Variants in SERPINB12 observed in about 807,000 individuals in gnomAD.
The protein encoded by SERPINB12 is serpin family B member 12.
Under a neutral mutation model 41.1 loss-of-function variants are expected in SERPINB12, and 57 were observed. The ratio of observed to expected loss-of-function variants is 1.39; its 90% CI spans 1.12 to 1.73. The LOEUF (loss-of-function observed/expected upper bound fraction) is 1.73, where lower values mean the gene tolerates loss of function less well. SERPINB12 is among the 40% of genes most tolerant of loss of function. The pLI is 0.00. For missense variants in SERPINB12, 536 were observed against 501.9 expected (o/e 1.07, Z -0.65); for synonymous variants, 180 against 181.3 (o/e 0.99, Z 0.06).
chr18:63,522,024 A>G, the SERPINB12 span, among the ~76,000 whole-genome samples: 4 of 151,382 alleles, frequency 2.6e-5, no homozygotes, highest in South Asian at 6.2e-4. Context: ...ATAGAGAAAC[A>G]TAGTTTTTCT....
In SERPINB12 at chr18:63,565,541, AC is replaced by A; in HGVS notation, c.804del (p.Lys269ArgfsTer18). ...VKAQILEMRY[T>X]KGKLSMFVLL... ...GGCACAGATCCTGGAAATGAGGTACACCAAGGGGAAGCTCAGCATGTTCGTG... is the reference window on the plus strand; with the variant it reads ...GGCACAGATCCTGGAAATGAGGTACACAAGGGGAAGCTCAGCATGTTCGTG... On this transcript the variant is annotated frameshift_variant, in exon 7 of 8. Transcript: ENST00000382768. LOFTEE classifies it high-confidence loss of function. 6.2e-7 allele frequency: 1 copy of A among 1,614,114 alleles called. No homozygotes were observed. Among genetic ancestry groups the A allele is most frequent in the Non-Finnish European group, 8.5e-7 (1 of 1,179,968 alleles).
At chr18:63,549,400 T>C (rs1002787497) in intron 1 of SERPINB12, among the ~76,000 whole-genome samples, 2 of 152,212 alleles carry the variant, frequency 1.3e-5, no homozygotes, top group Admixed American at 6.5e-5. Flanking sequence ...AATATGATAG[T>C]ATTTGTATTG....
the SERPINB12 span, among the ~76,000 whole-genome samples, chr18:63,537,082 T>C: frequency 6.6e-6 from 1 of 152,150 alleles, no homozygotes; most frequent in Non-Finnish European, 1.5e-5. Context: ...TATGTAAATA[T>C]AAAATAATTA....
intron 7 of SERPINB12, 33 bp from the exon 8 acceptor site, chr18:63,566,574 C>G: frequency 6.4e-7 from 1 of 1,558,030 alleles, no homozygotes; most frequent in South Asian, 1.2e-5. Flanking sequence ...GTCCCATAAT[C>G]TGATGCTAAA....
At chr18:63,537,675 C>T (rs1021400434), upstream of SERPINB12, among the ~76,000 whole-genome samples, 2 of 152,166 alleles carry the variant, frequency 1.3e-5, no homozygotes, top group Admixed American at 6.6e-5. Context: ...CTACAACAAT[C>T]AAGCCCGAGT....
At chr18:63,532,953 G>A in the SERPINB12 span, among the ~76,000 whole-genome samples, 3 of 151,988 alleles carry the variant, frequency 2.0e-5, no homozygotes, top group Non-Finnish European at 2.9e-5. Context: ...TAAATCTTTG[G>A]TACCTAGTAA....
At chr18:63,531,680 G>T in the SERPINB12 span, among the ~76,000 whole-genome samples, 690 of 152,230 alleles carry the variant, frequency 4.5e-3, 6 homozygotes, top group African/African-American at 0.016. Flanking sequence ...TTTGTTACTT[G>T]TTTTTCCATT....
chr18:63,562,755 A>G (rs1375997947), intron 5 of SERPINB12, among the ~76,000 whole-genome samples: 1 of 152,238 alleles, frequency 6.6e-6, no homozygotes, highest in Non-Finnish European at 1.5e-5. Context: ...CTTTCCCCTT[A>G]GTGAGTTAAC....
At chr18:63,554,085 A>G (rs1910600644) in intron 1 of SERPINB12, among the ~76,000 whole-genome samples, 2 of 152,062 alleles carry the variant, frequency 1.3e-5, no homozygotes, top group South Asian at 2.1e-4. Context: ...TGAGTTAGGT[A>G]CAAACTTGGC....
chr18:63,556,453 T>C (rs1910683658), intron 2 of SERPINB12, 126 bp downstream of exon 2: 2 of 665,286 alleles, frequency 3.0e-6, no homozygotes, highest in South Asian at 6.8e-5. Flanking sequence ...AACCCATCCC[T>C]GTCTCTGAGT....
chr18:63,530,274 C>T, the SERPINB12 span, among the ~76,000 whole-genome samples: 1,303 of 152,222 alleles, frequency 8.6e-3, 14 homozygotes, highest in Non-Finnish European at 0.013. Context: ...TGTCTTTGCC[C>T]TGATTAGTAT....
At chr18:63,532,883 C>T in the SERPINB12 span, among the ~76,000 whole-genome samples, 9,586 of 152,156 alleles carry the variant, frequency 0.063, 635 homozygotes, top group East Asian at 0.29. Context: ...GTAGTGGGTT[C>T]CTATACCTTT....
chr18:63,562,420 C>T (rs1910942957), intron 5 of SERPINB12, among the ~76,000 whole-genome samples: 1 of 152,098 alleles, frequency 6.6e-6, no homozygotes, highest in Non-Finnish European at 1.5e-5. Context: ...AGACCATGAC[C>T]CCAGGCATTT....
At position 63,564,058 on chromosome 18, in the gene SERPINB12, G is replaced by A. The variant is rs1304425536; in HGVS notation, c.643G>A (p.Ala215Thr). Residue 215 changes from alanine to threonine, a missense_variant, in exon 6 of 8, where the codon GCC becomes ACC. Coordinates refer to ENST00000382768, the MANE Select transcript of SERPINB12 (RefSeq NM_001307928.2). ...LVLVNAVYFKAKWETYFDHEN... is the reference protein window; with the variant it reads ...LVLVNAVYFKTKWETYFDHEN... ...ACTGGTGAATGCTGTTTACTTCAAG[G>A]CCAAATGGGAAACATACTTTGACCA... 2.5e-6 allele frequency: 4 copies of A among 1,614,054 alleles called. No individual in the cohort carries two copies. In the South Asian group the frequency reaches 4.4e-5, roughly 18 times the overall value.
upstream of SERPINB12, among the ~76,000 whole-genome samples, chr18:63,540,170 T>G (rs1293138439): frequency 1.3e-5 from 2 of 152,170 alleles, no homozygotes; most frequent in African/African-American, 2.4e-5. Context: ...ATGAGTGATT[T>G]ATGTTAGAGG....
In SERPINB12 at chr18:63,556,145, G is replaced by C. The variant is rs751537843; in HGVS notation, c.-15G>C. On this transcript the variant is annotated 5_prime_UTR_variant, in exon 2 of 8. Transcript: ENST00000382768. ...TCTCCTTTTTTTTTGGTTTTAGATCGTTATAAGTTTTACAATGGACTCTCT... is the reference window on the plus strand; with the variant it reads ...TCTCCTTTTTTTTTGGTTTTAGATCCTTATAAGTTTTACAATGGACTCTCT... 6.2e-7 allele frequency: 1 copy of C among 1,604,024 alleles called. No individual in the cohort carries two copies. The highest frequency in any genetic ancestry group is 8.5e-7 in the Non-Finnish European group (1 of 1,174,120).
Position 63,559,469 on chromosome 18 carries a change from C to G in SERPINB12, c.304-109C>G, listed in dbSNP as rs11872798. 7,985 of 1,116,084 alleles carry G rather than the reference C, an allele frequency of 7.2e-3. 406 individuals are homozygous for G. The African/African-American group carries it at 0.11, about 15-fold the overall frequency. 69.1% of individuals were successfully genotyped at this position (1,116,084 alleles called of 1,614,324 possible). A position where few individuals can be genotyped will look rare whatever the true frequency, so the allele number is the denominator to read the frequency against. The stretch of plus-strand genomic sequence containing the variant: ...GCATGGTAACAGAGACAGCTGACAT[C>G]TTACTAAGAAGCTCTATCTTGCTTC... On this transcript the variant is annotated intron_variant, in intron 3 of 7. Transcript: ENST00000382768.
chr18:63,541,859 C>T (rs1910279227), upstream of SERPINB12, among the ~76,000 whole-genome samples: 1 of 152,088 alleles, frequency 6.6e-6, no homozygotes, highest in Non-Finnish European at 1.5e-5. Flanking sequence ...TGAGGATGCT[C>T]AGGAAATTAT....
At chr18:63,558,530 A>G (rs749479048) in intron 3 of SERPINB12, 44 bp downstream of exon 3, 1 of 1,568,376 alleles carries the variant, frequency 6.4e-7, no homozygotes, top group South Asian at 1.2e-5. Context: ...TTTTTTACAA[A>G]CTGCTTATTC....
Sources: allele counts gnomAD v4.1 joint callset (sites outside exome capture counted in the v4.1 genomes callset), GRCh38; gene constraint gnomAD v4.1.1; transcripts MANE v1.5; gene names NCBI Gene and HGNC (gene_info 2026-07-23, HGNC 2026-07-21).